UBE2W: variants seen among roughly 807,000 people sequenced by gnomAD.
The protein encoded by UBE2W is ubiquitin conjugating enzyme E2 W, also known as ubiquitin-conjugating enzyme E2 W.
In UBE2W, 18 loss-of-function variants were observed where a neutral mutation model predicts 27.2. The ratio of observed to expected loss-of-function variants is 0.66; its 90% CI spans 0.46 to 0.98. The LOEUF is 0.98. UBE2W is among the 50% of genes least tolerant of loss of function. The pLI, the probability that UBE2W is intolerant of heterozygous loss-of-function variation, is 0.00. For missense variants in UBE2W, 90 were observed against 180.2 expected (o/e 0.50, Z 2.87); for synonymous variants, 53 against 57.2 (o/e 0.93, Z 0.33).
rs1208219174 is a variant in UBE2W, at chr8:73,790,192, A to AG, written c.*3909_*3910insC. On this transcript the variant is annotated 3_prime_UTR_variant, in exon 6 of 6. Coordinates refer to ENST00000602593, the MANE Select transcript of UBE2W (RefSeq NM_018299.6). ...AGAATCCCTAACCTCAGAAAAAAAA[A>AG]AGAGAGAATAAATTAGAAGTGAGAA... 13 of 984,956 alleles carry AG rather than the reference A, an allele frequency of 1.3e-5. No homozygotes were observed. Among genetic ancestry groups the AG allele is most frequent in the African/African-American group, 1.7e-5 (1 of 57,244 alleles). The allele number at this position is 984,956 out of a possible 1,614,324, so 61.0% of individuals were successfully genotyped here. A position where few individuals can be genotyped will look rare whatever the true frequency, so the allele number is the denominator to read the frequency against.
intron 1 of UBE2W, among the ~76,000 whole-genome samples, chr8:73,869,734 C>T (rs1811922338): frequency 6.6e-6 from 1 of 151,924 alleles, no homozygotes; most frequent in Non-Finnish European, 1.5e-5. Flanking sequence ...TATGGTGGTG[C>T]ATGCCTGTAG....
intron 3 of UBE2W, among the ~76,000 whole-genome samples, chr8:73,811,854 G>A (rs1011853540): frequency 6.6e-6 from 1 of 151,840 alleles, no homozygotes; most frequent in Non-Finnish European, 1.5e-5. Flanking sequence ...TCTCTTTATA[G>A]AGCAGAAAAA....
In UBE2W at chr8:73,793,798, T is replaced by C; in HGVS notation, c.*304A>G. On this transcript the variant is annotated 3_prime_UTR_variant, in exon 6 of 6. Transcript: ENST00000602593. ...CAAGGAAGTCATTGTTATTGCACAA[T>C]ACATGAGGACCTGGAGCTTTTCCAA... The C allele has an allele frequency of 9.0e-7, 1 of 1,105,714 alleles. No individual in the cohort carries two copies. The highest frequency in any genetic ancestry group is 3.7e-5 in the South Asian group (1 of 26,712). 68.5% of individuals were successfully genotyped at this position (1,105,714 alleles called of 1,614,324 possible).
At chr8:73,805,475 A>AAAAAAAAAAAAAAC (rs1306314380) in intron 5 of UBE2W, among the ~76,000 whole-genome samples, 176 bp downstream of exon 5, 1 of 144,470 alleles carries the variant, frequency 6.9e-6, no homozygotes, top group African/African-American at 2.5e-5. Flanking sequence ...AAAAAAACAA[A>AAAAAAAAAAAAAAC]AAAAACTAGG....
chr8:73,821,970 C>T (rs1036960309), intron 3 of UBE2W, among the ~76,000 whole-genome samples: 1 of 152,190 alleles, frequency 6.6e-6, no homozygotes, highest in African/African-American at 2.4e-5. Context: ...CCCTGCACTG[C>T]AGGCCATACA....
Position 73,789,781 on chromosome 8 carries a change from T to C in UBE2W, c.*4321A>G. On this transcript the variant is annotated 3_prime_UTR_variant, in exon 6 of 6. Transcript: ENST00000602593. ...TAGACCCAGGAGGTGGAGATTGAAA[T>C]GAGCCAAGATCGTGCACTGCACTAA... is the stretch of plus-strand genomic sequence containing the variant. The C allele has an allele frequency of 2.1e-6, 1 of 469,002 alleles. No individual in the cohort carries two copies. The highest frequency in any genetic ancestry group is 2.8e-6 in the Non-Finnish European group (1 of 358,432). 29.1% of individuals were successfully genotyped at this position (469,002 alleles called of 1,614,324 possible). A position where few individuals can be genotyped will look rare whatever the true frequency, so the allele number is the denominator to read the frequency against.
intron 1 of UBE2W, among the ~76,000 whole-genome samples, chr8:73,868,630 T>C (rs1472282604): frequency 6.6e-6 from 1 of 151,588 alleles, no homozygotes; most frequent in Non-Finnish European, 1.5e-5. Context: ...CCTGTGAGAC[T>C]GAGCCCTTAA....
intron 1 of UBE2W, among the ~76,000 whole-genome samples, chr8:73,839,239 G>C (rs985897738): frequency 1.3e-5 from 2 of 150,964 alleles, no homozygotes; most frequent in African/African-American, 4.9e-5. Context: ...ACTACTACTT[G>C]GTTCTTCAGT....
Position 73,878,790 on chromosome 8 carries a change from G to A in UBE2W, c.15+18C>T, listed in dbSNP as rs1232361640. On this transcript the variant is annotated intron_variant, in intron 1 of 5. Transcript: ENST00000602593. ...CGGCGGCTCCCTGGCCCGCCCAGAT[G>A]CAGCAAACTCCTCTCACCTGCATTG... The A allele has an allele frequency of 1.3e-6, 2 of 1,546,874 alleles. No homozygotes were observed. Among genetic ancestry groups the A allele is most frequent in the Non-Finnish European group, 1.7e-6 (2 of 1,143,236 alleles).
chr8:73,866,011 C>T (rs1563633374), intron 1 of UBE2W, among the ~76,000 whole-genome samples: 1 of 151,984 alleles, frequency 6.6e-6, no homozygotes, highest in Non-Finnish European at 1.5e-5. Context: ...GGAGCAGTGG[C>T]TCATGCCTGT....
At chr8:73,850,031 G>C (rs1436014135) in intron 1 of UBE2W, among the ~76,000 whole-genome samples, 2 of 152,070 alleles carry the variant, frequency 1.3e-5, no homozygotes, top group African/African-American at 4.8e-5. Context: ...TATCTTCATA[G>C]AAGATTTTAG....
At chr8:73,814,567 G>A (rs1809308348) in intron 3 of UBE2W, among the ~76,000 whole-genome samples, 1 of 152,084 alleles carries the variant, frequency 6.6e-6, no homozygotes. Context: ...TGCCCAGGCT[G>A]GAGTGCAATG....
At position 73,787,126 on chromosome 8, in the gene UBE2W, T is replaced by C. The variant is rs570243197; in HGVS notation, c.*6976A>G. 1.1e-5 allele frequency: 11 copies of C among 985,452 alleles called. No homozygotes were observed. The African/African-American group carries it at 1.7e-4, about 16-fold the overall frequency. 61.0% of individuals were successfully genotyped at this position (985,452 alleles called of 1,614,324 possible). ...GGGATTCCCACTTATGTATTTTGCA[T>C]TATGCAGGCAAACATTAAAAATAAA... On this transcript the variant is annotated 3_prime_UTR_variant, in exon 6 of 6. Coordinates refer to ENST00000602593, the MANE Select transcript of UBE2W (RefSeq NM_018299.6).
chr8:73,780,633 C>T (rs1807824945), intron 4 of UBE2W: 5 of 371,296 alleles, frequency 1.3e-5, no homozygotes, highest in South Asian at 1.1e-4. Flanking sequence ...GCAATCTTCA[C>T]ACCTTAGTTT....
chr8:73,795,887 G>T, intron 5 of UBE2W: 1 of 483,546 alleles, frequency 2.1e-6, no homozygotes, highest in Non-Finnish European at 2.7e-6. Flanking sequence ...TTCAAGACCA[G>T]CCTAGGCAAT....
intron 3 of UBE2W, among the ~76,000 whole-genome samples, chr8:73,819,831 G>A (rs1341176910): frequency 5.3e-5 from 8 of 152,192 alleles, no homozygotes; most frequent in African/African-American, 1.9e-4. Context: ...CCATAATGGT[G>A]TGTGACAGTC....
intron 1 of UBE2W, among the ~76,000 whole-genome samples, chr8:73,872,012 GC>G (rs946667270): frequency 1.3e-5 from 2 of 151,984 alleles, no homozygotes; most frequent in Non-Finnish European, 2.9e-5. Flanking sequence ...TCCCACCTCA[GC>G]CCCCCAAGTA....
chr8:73,804,748 A>G (rs1431210387), intron 5 of UBE2W, among the ~76,000 whole-genome samples: 3 of 151,542 alleles, frequency 2.0e-5, no homozygotes, highest in Non-Finnish European at 2.9e-5. Flanking sequence ...CTTTGGAGAT[A>G]GAGTCTCATT....
Position 73,792,061 on chromosome 8 carries a change from A to G in UBE2W, c.*2041T>C. ...CAATATGGAGACAGATTTCTCCCTA[A>G]CCCCCAGAAGAAGATCAAGTCAAAC... On this transcript the variant is annotated 3_prime_UTR_variant, in exon 6 of 6. Coordinates refer to ENST00000602593, the MANE Select transcript of UBE2W (RefSeq NM_018299.6). 1 of 985,152 alleles carries G rather than the reference A, an allele frequency of 1.0e-6. No homozygotes were observed. The highest frequency in any genetic ancestry group is 1.2e-6 in the Non-Finnish European group (1 of 829,708). 61.0% of individuals were successfully genotyped at this position (985,152 alleles called of 1,614,324 possible). A position where few individuals can be genotyped will look rare whatever the true frequency, so the allele number is the denominator to read the frequency against.
Sources: allele counts gnomAD v4.1 joint callset (sites outside exome capture counted in the v4.1 genomes callset), GRCh38; gene constraint gnomAD v4.1.1; transcripts MANE v1.5; gene names NCBI Gene and HGNC (gene_info 2026-07-23, HGNC 2026-07-21).